Variants in ACVR2A observed in about 807,000 individuals in gnomAD.
ACVR2A encodes the protein activin receptor type-2A.
ACVR2A carries 7 observed loss-of-function variants against 61.4 expected under a neutral mutation model. The ratio of observed to expected loss-of-function variants is 0.11; its 90% CI spans 0.06 to 0.21. The LOEUF is 0.21. ACVR2A is among the 10% of genes least tolerant of loss of function. The pLI is 1.00. For synonymous variants in ACVR2A, 193 were observed against 208.3 expected (o/e 0.93, Z 0.63); for missense variants, 322 against 621.7 (o/e 0.52, Z 5.13).
chr2:147,854,914 C>T (rs1312999819), intron 1 of ACVR2A, among the ~76,000 whole-genome samples: 2 of 152,014 alleles, frequency 1.3e-5, no homozygotes, highest in Non-Finnish European at 2.9e-5. Context: ...CTGAGTCTCG[C>T]TCTGTTGGCC....
At chr2:147,891,596 T>C (rs960062192) in intron 1 of ACVR2A, among the ~76,000 whole-genome samples, 2 of 152,046 alleles carry the variant, frequency 1.3e-5, no homozygotes, top group African/African-American at 2.4e-5. Flanking sequence ...AAGAATAATA[T>C]TTTGTGAGTT....
intron 1 of ACVR2A, among the ~76,000 whole-genome samples, chr2:147,848,540 A>G (rs1685373337): frequency 6.6e-6 from 1 of 152,194 alleles, no homozygotes; most frequent in African/African-American, 2.4e-5. Flanking sequence ...TCAGTAGTGT[A>G]GAGGTCAAAA....
At chr2:147,904,787 G>C (rs762358322) in intron 4 of ACVR2A, among the ~76,000 whole-genome samples, 3 of 151,838 alleles carry the variant, frequency 2.0e-5, no homozygotes, top group Non-Finnish European at 4.4e-5. Context: ...AATCTGAAAG[G>C]GTAGGAAAAC....
Position 147,899,782 on chromosome 2 carries a change from A to G in ACVR2A, c.412A>G (p.Asn138Asp). ...NPVTPKPPYYNILLYSLVPLM... is the reference protein window; with the variant it reads ...NPVTPKPPYYDILLYSLVPLM... ...AGTTACACCTAAGCCACCCTATTAC[A>G]ACATCCTGCTCTATTCCTTGGTGCC... is the stretch of plus-strand genomic sequence containing the variant. The change falls in exon 4 of 11, where the codon AAC (asparagine) becomes GAC (aspartate). Residue 138 changes from asparagine to aspartate, a missense_variant. Physicochemically the swap from Asn to Asp is conservative, Grantham distance 23. Around this residue, in one of 3 missense-constraint regions of ACVR2A, gnomAD observed 142 missense variants for 200.3 expected, o/e 0.71. Coordinates refer to ENST00000241416, the MANE Select transcript of ACVR2A (RefSeq NM_001616.5). 1.2e-6 allele frequency: 2 copies of G among 1,613,666 alleles called. No homozygotes were observed. Among genetic ancestry groups the G allele is most frequent in the Non-Finnish European group, 1.7e-6 (2 of 1,179,708 alleles).
intron 1 of ACVR2A, among the ~76,000 whole-genome samples, chr2:147,889,511 G>T (rs1435032426): frequency 2.0e-5 from 3 of 152,158 alleles, no homozygotes; most frequent in African/African-American, 7.2e-5. Context: ...TTGGGAGGCT[G>T]AGGCGGGCAG....
intron 1 of ACVR2A, among the ~76,000 whole-genome samples, chr2:147,892,334 T>C (rs1686609043): frequency 6.6e-6 from 1 of 151,578 alleles, no homozygotes; most frequent in Non-Finnish European, 1.5e-5. Context: ...GTTCATGCTA[T>C]AATTTCTTCC....
chr2:147,852,559 A>G lies in ACVR2A; in HGVS notation c.55+7352A>G, dbSNP rs1021275423. Among the ~76,000 whole-genome samples the G allele has an allele frequency of 2.6e-5, 4 of 152,238 alleles. No individual in the cohort carries two copies. In the South Asian group the frequency reaches 6.2e-4, roughly 24 times the overall value. On this transcript the variant is annotated intron_variant, in intron 1 of 10. Coordinates refer to ENST00000241416, the MANE Select transcript of ACVR2A (RefSeq NM_001616.5). ...TACAATAGAGACTGTGTGCCTAGGTATAGAATATAGGGAAAACTGGTCTCA... is the reference window on the plus strand; with the variant it reads ...TACAATAGAGACTGTGTGCCTAGGTGTAGAATATAGGGAAAACTGGTCTCA...
intron 9 of ACVR2A, among the ~76,000 whole-genome samples, chr2:147,925,088 C>G (rs1687471216): frequency 2.0e-5 from 3 of 152,126 alleles, no homozygotes; most frequent in South Asian, 2.1e-4. Flanking sequence ...ATACATCTAT[C>G]TGGTCACTGA....
chr2:147,854,253 T>C (rs1685516022), intron 1 of ACVR2A, among the ~76,000 whole-genome samples: 1 of 152,222 alleles, frequency 6.6e-6, no homozygotes, highest in Non-Finnish European at 1.5e-5. Flanking sequence ...CAAAGAGTTC[T>C]TTAAGGTCTC....
intron 4 of ACVR2A, among the ~76,000 whole-genome samples, chr2:147,914,898 T>C (rs1435340170): frequency 1.3e-5 from 2 of 151,952 alleles, no homozygotes; most frequent in Non-Finnish European, 2.9e-5. Flanking sequence ...CAGAAAATCT[T>C]AGTGGGGAAT....
At chr2:147,865,020 T>G (rs1285328554) in intron 1 of ACVR2A, among the ~76,000 whole-genome samples, 11 of 152,158 alleles carry the variant, frequency 7.2e-5, no homozygotes, top group Non-Finnish European at 1.6e-4. Context: ...TGACTTTTTT[T>G]TTTTGGGAGG....
At chr2:147,871,550 A>G (rs1440947073) in intron 1 of ACVR2A, among the ~76,000 whole-genome samples, 2 of 152,132 alleles carry the variant, frequency 1.3e-5, no homozygotes, top group Non-Finnish European at 2.9e-5. Flanking sequence ...TATATCAGAT[A>G]TATCAATATT....
Position 147,915,145 on chromosome 2 carries a change from G to A in ACVR2A, c.529-46G>A, listed in dbSNP as rs377706992. ...TTTTTCTCATTTTCAGAGTTGGTGT[G>A]TGTCATGTTCTGCTTATTTATAGTA... On this transcript the variant is annotated intron_variant, in intron 4 of 10. Coordinates refer to ENST00000241416, the MANE Select transcript of ACVR2A (RefSeq NM_001616.5). 3.2e-5 allele frequency: 50 copies of A among 1,583,036 alleles called. No individual in the cohort carries two copies. The African/African-American group carries it at 5.4e-4, about 17-fold the overall frequency.
intron 1 of ACVR2A, among the ~76,000 whole-genome samples, chr2:147,857,898 G>A (rs1044099222): frequency 6.6e-5 from 10 of 151,982 alleles, no homozygotes; most frequent in African/African-American, 2.4e-4. Flanking sequence ...TGTGTCATGG[G>A]GGTTTGTTTT....
chr2:147,859,723 G>A (rs12998729), intron 1 of ACVR2A, among the ~76,000 whole-genome samples: 42,752 of 151,640 alleles, frequency 0.28, 6,452 homozygotes, highest in East Asian at 0.46. Flanking sequence ...TATATGAGGC[G>A]CATGAAAAGT....
Position 147,927,551 on chromosome 2 carries a change from A to C in ACVR2A, c.*277A>C, listed in dbSNP as rs1023415899. On this transcript the variant is annotated 3_prime_UTR_variant, in exon 11 of 11. Coordinates refer to ENST00000241416, the MANE Select transcript of ACVR2A (RefSeq NM_001616.5). Reference sequence around the variant, plus strand: ...GAAGAATGTAGCCCTCTCCAAATCAAGGATCTTTTGGACCTGGCTAATGGA... The same window carrying C: ...GAAGAATGTAGCCCTCTCCAAATCACGGATCTTTTGGACCTGGCTAATGGA... 2 of 251,792 alleles carry C rather than the reference A, an allele frequency of 7.9e-6. No homozygotes were observed. Among genetic ancestry groups the C allele is most frequent in the Admixed American group, 5.6e-5 (1 of 18,006 alleles). 15.6% of individuals were successfully genotyped at this position (251,792 alleles called of 1,614,324 possible).
chr2:147,876,599 A>T lies in ACVR2A; in HGVS notation c.56-19702A>T, dbSNP rs536889695. 2.0e-5 allele frequency among the ~76,000 whole-genome samples: 3 copies of T among 152,282 alleles called. No individual in the cohort carries two copies. The South Asian group carries it at 6.2e-4, about 32-fold the overall frequency. On this transcript the variant is annotated intron_variant, in intron 1 of 10. Transcript: ENST00000241416. ...TCAGCCTATCACTGTCATTCACTTC[A>T]TCAGAATTACAAGGGCTTTTAACAC... is the stretch of plus-strand genomic sequence containing the variant.
chr2:147,893,636 T>C (rs963927871), intron 1 of ACVR2A, among the ~76,000 whole-genome samples: 2 of 152,208 alleles, frequency 1.3e-5, no homozygotes, highest in African/African-American at 2.4e-5. Context: ...ATTGATAATA[T>C]TGGGTAGCTT....
intron 1 of ACVR2A, among the ~76,000 whole-genome samples, chr2:147,882,290 A>G (rs919429261): frequency 6.6e-6 from 1 of 152,172 alleles, no homozygotes; most frequent in East Asian, 1.9e-4. Flanking sequence ...GTTGCTCATG[A>G]CTGTAATCCC....
Sources: gnomAD v4.1 joint callset for allele counts (sites outside exome capture counted in the v4.1 genomes callset) on GRCh38, gnomAD v4.1.1 for gene constraint, gnomAD v4.1.1 regional missense constraint, MANE v1.5 for transcripts, NCBI Gene and HGNC (gene_info 2026-07-23, HGNC 2026-07-21) for gene names.